The following LARGE1 variants were observed in gnomAD, a reference collection of about 807,000 sequenced individuals.
LARGE1 encodes the protein xylosyl- and glucuronyltransferase LARGE1.
LARGE1 carries 43 observed loss-of-function variants against 87.6 expected under a neutral mutation model. The ratio of observed to expected loss-of-function variants is 0.49; its 90% CI spans 0.38 to 0.63. The LOEUF (loss-of-function observed/expected upper bound fraction) is 0.63, where lower values mean the gene tolerates loss of function less well. LARGE1 is among the 30% of genes least tolerant of loss of function. LARGE1 has a pLI of 0.00. For missense variants in LARGE1, 802 were observed against 1,000.2 expected (o/e 0.80, Z 2.67); for synonymous variants, 434 against 394.6 (o/e 1.10, Z -1.18).
At chr22:33,595,437 G>C (rs1450515100) in intron 5 of LARGE1, among the ~76,000 whole-genome samples, 1 of 152,114 alleles carries the variant, frequency 6.6e-6, no homozygotes, top group Non-Finnish European at 1.5e-5. Context: ...CAAGTGCTGT[G>C]ATTTGCAGAA....
At chr22:33,302,822 C>T (rs757810268) in intron 12 of LARGE1, among the ~76,000 whole-genome samples, 28 of 152,130 alleles carry the variant, frequency 1.8e-4, no homozygotes, top group Non-Finnish European at 3.1e-4. Context: ...GGCGTGAGCT[C>T]TCTGGACTTG....
At chr22:33,844,954 G>A (rs546247812) in intron 1 of LARGE1, among the ~76,000 whole-genome samples, 34 of 151,830 alleles carry the variant, frequency 2.2e-4, no homozygotes, top group African/African-American at 8.0e-4. Context: ...TCCTGACCTC[G>A]TGAGCCACCC....
At chr22:33,663,340 A>C (rs2081184222) in intron 2 of LARGE1, among the ~76,000 whole-genome samples, 1 of 152,302 alleles carries the variant, frequency 6.6e-6, no homozygotes, top group Admixed American at 6.5e-5. Context: ...TTTTCTTCCA[A>C]GTCCTACACC....
intron 1 of LARGE1, among the ~76,000 whole-genome samples, chr22:33,817,446 C>T (rs1360054457): frequency 6.6e-6 from 1 of 152,188 alleles, no homozygotes; most frequent in African/African-American, 2.4e-5. Flanking sequence ...GTGTTTCTCT[C>T]TCTCTCTCTT....
At chr22:33,106,741 C>T in the LARGE1 span, among the ~76,000 whole-genome samples, 1 of 152,186 alleles carries the variant, frequency 6.6e-6, no homozygotes, top group African/African-American at 2.4e-5. Flanking sequence ...GGTGATCCAC[C>T]CACCTCAGCC....
downstream of LARGE1, among the ~76,000 whole-genome samples, chr22:33,268,368 C>A (rs544719117): frequency 5.3e-5 from 8 of 151,114 alleles, no homozygotes; most frequent in South Asian, 1.5e-3. Context: ...AATAAACACG[C>A]ATTCTAACAC....
chr22:33,375,022 T>C (rs1037073854), intron 9 of LARGE1, among the ~76,000 whole-genome samples: 3 of 152,164 alleles, frequency 2.0e-5, no homozygotes, highest in Non-Finnish European at 4.4e-5. Flanking sequence ...TTAAGATCAA[T>C]GGACTAAATG....
chr22:33,674,833 T>C lies in LARGE1; in HGVS notation c.107-24165A>G, dbSNP rs78872703. Among the ~76,000 whole-genome samples the C allele has an allele frequency of 9.6e-3, 1,462 of 152,296 alleles. 33 individuals are homozygous for C. Among genetic ancestry groups the C allele is most frequent in the African/African-American group, 0.034 (1,395 of 41,568 alleles). On this transcript the variant is annotated intron_variant, in intron 2 of 14. Coordinates refer to ENST00000397394, the MANE Select transcript of LARGE1 (RefSeq NM_133642.5). ...CCTCTGTGGAGCTCAATTGCAGTGA[T>C]ATCACAATCTATCTGTATGCTTGCA... is the stretch of plus-strand genomic sequence containing the variant.
the LARGE1 span, among the ~76,000 whole-genome samples, chr22:33,088,049 C>T: frequency 6.8e-6 from 1 of 147,262 alleles, no homozygotes; most frequent in African/African-American, 2.5e-5. Context: ...CAGCACAGGC[C>T]TAACACACAC....
chr22:33,514,754 G>C (rs1390765586), intron 6 of LARGE1, among the ~76,000 whole-genome samples: 1 of 152,144 alleles, frequency 6.6e-6, no homozygotes, highest in African/African-American at 2.4e-5. Context: ...TCTACACGTG[G>C]AGGAGAGACA....
chr22:33,246,516 C>G (rs144069543), intron 11 of LARGE1, among the ~76,000 whole-genome samples: 1 of 152,024 alleles, frequency 6.6e-6, no homozygotes, highest in African/African-American at 2.4e-5. Context: ...CGTGGTGGTG[C>G]GCACCTGTAA....
At chr22:33,456,426 T>G (rs1480706545) in intron 6 of LARGE1, among the ~76,000 whole-genome samples, 1 of 152,220 alleles carries the variant, frequency 6.6e-6, no homozygotes, top group Non-Finnish European at 1.5e-5. Context: ...GACATATTAT[T>G]GTTTTAACAG....
At chr22:33,729,318 C>A (rs1157405208) in intron 2 of LARGE1, among the ~76,000 whole-genome samples, 1 of 152,188 alleles carries the variant, frequency 6.6e-6, no homozygotes, top group Non-Finnish European at 1.5e-5. Context: ...GCAGCAGCCT[C>A]AGAAGGAAGA....
chr22:33,549,230 T>C (rs1446222208), intron 6 of LARGE1, among the ~76,000 whole-genome samples: 1 of 152,202 alleles, frequency 6.6e-6, no homozygotes, highest in East Asian at 1.9e-4. Context: ...GACCAGCATA[T>C]TTGTCTTCAT....
intron 6 of LARGE1, among the ~76,000 whole-genome samples, chr22:33,489,917 G>A (rs559584547): frequency 6.6e-6 from 1 of 152,256 alleles, no homozygotes; most frequent in Admixed American, 6.5e-5. Flanking sequence ...TGGGCTGGGT[G>A]GTGTTGCTGT....
At chr22:33,338,592 T>C (rs911344735) in intron 9 of LARGE1, among the ~76,000 whole-genome samples, 5 of 152,218 alleles carry the variant, frequency 3.3e-5, no homozygotes, top group Non-Finnish European at 7.3e-5. Flanking sequence ...TGCCTCCAGC[T>C]AGGACGTTGA....
intron 6 of LARGE1, among the ~76,000 whole-genome samples, chr22:33,524,050 T>C (rs1047841067): frequency 1.3e-5 from 2 of 152,102 alleles, no homozygotes; most frequent in African/African-American, 2.4e-5. Context: ...CCCAGCACTT[T>C]AGAATGCTGA....
chr22:33,443,932 C>G (rs1407572513), intron 6 of LARGE1, among the ~76,000 whole-genome samples: 1 of 152,252 alleles, frequency 6.6e-6, no homozygotes, highest in African/African-American at 2.4e-5. Flanking sequence ...TGGCCTCAGC[C>G]CAGCTACAAC....
chr22:33,441,020 T>C (rs2067448616), intron 6 of LARGE1, among the ~76,000 whole-genome samples: 2 of 151,804 alleles, frequency 1.3e-5, no homozygotes, highest in African/African-American at 4.8e-5. Flanking sequence ...TTCCTTTTTT[T>C]GTTTTTTTTT....
Sources: gnomAD v4.1 joint callset for allele counts (sites outside exome capture counted in the v4.1 genomes callset) on GRCh38, gnomAD v4.1.1 for gene constraint, MANE v1.5 for transcripts, NCBI Gene and HGNC (gene_info 2026-07-23, HGNC 2026-07-21) for gene names.